The following SLC35F3 variants were observed in gnomAD, a reference collection of about 807,000 sequenced individuals.
The protein encoded by SLC35F3 is putative thiamine transporter SLC35F3.
In SLC35F3, 25 loss-of-function variants were observed where a neutral mutation model predicts 49.9. That is an observed-to-expected ratio of 0.50 (90% CI 0.37 to 0.70). SLC35F3 has a LOEUF of 0.70. Among genes scored for constraint, SLC35F3 ranks in the 30% least tolerant of loss-of-function variants. The pLI, the probability that SLC35F3 is intolerant of heterozygous loss-of-function variation, is 0.00. For synonymous variants in SLC35F3, 275 were observed against 265.4 expected (o/e 1.04, Z -0.35); for missense variants, 525 against 639.8 (o/e 0.82, Z 1.94).
chr1:234,137,917 G>A (rs1206801899), intron 2 of SLC35F3, among the ~76,000 whole-genome samples: 1 of 152,170 alleles, frequency 6.6e-6, no homozygotes, highest in East Asian at 1.9e-4. Context: ...GGTTGAAAAG[G>A]TTAGATTTGG....
chr1:234,031,881 C>T (rs1381299525), intron 2 of SLC35F3, among the ~76,000 whole-genome samples: 1 of 152,194 alleles, frequency 6.6e-6, no homozygotes, highest in Non-Finnish European at 1.5e-5. Context: ...CTAGACACAG[C>T]CTGGAACCAT....
At chr1:234,085,648 C>T (rs1572046262) in intron 2 of SLC35F3, among the ~76,000 whole-genome samples, 1 of 152,208 alleles carries the variant, frequency 6.6e-6, no homozygotes, top group Admixed American at 6.5e-5. Flanking sequence ...AGGTCATAAA[C>T]CTTGAGCCCT....
intron 2 of SLC35F3, among the ~76,000 whole-genome samples, chr1:233,976,590 A>G (rs939579434): frequency 2.6e-5 from 4 of 152,098 alleles, no homozygotes; most frequent in African/African-American, 9.7e-5. Flanking sequence ...GTTGTGCATA[A>G]TTTCATAGTA....
At chr1:234,154,314 A>G (rs1480316578) in intron 2 of SLC35F3, among the ~76,000 whole-genome samples, 1 of 152,192 alleles carries the variant, frequency 6.6e-6, no homozygotes, top group Non-Finnish European at 1.5e-5. Context: ...TAATGGGGGA[A>G]GTTAAGCACA....
intron 2 of SLC35F3, among the ~76,000 whole-genome samples, chr1:233,909,020 G>A (rs919406010): frequency 7.3e-5 from 11 of 150,222 alleles, no homozygotes; most frequent in Admixed American, 4.7e-4. Context: ...CACCATGCCC[G>A]GCTAATTTTT....
At chr1:233,956,391 C>T (rs948172765) in intron 2 of SLC35F3, among the ~76,000 whole-genome samples, 1 of 152,182 alleles carries the variant, frequency 6.6e-6, no homozygotes, top group Non-Finnish European at 1.5e-5. Context: ...ACTGCAGTCT[C>T]TCACCACTCT....
chr1:234,246,236 G>A lies in SLC35F3; in HGVS notation c.608+14495G>A, dbSNP rs1449809977. On this transcript the variant is annotated intron_variant, in intron 3 of 7. Transcript: ENST00000366618. ...GTGGCTCAGATGGAGAATTCTACCA[G>A]GGCAGCAGCAGTTCACTTTCTCTAA... 2.0e-5 allele frequency among the ~76,000 whole-genome samples: 3 copies of A among 152,208 alleles called. No homozygotes were observed. In the South Asian group the frequency reaches 6.2e-4, roughly 32 times the overall value.
chr1:234,055,816 C>T (rs1664448819), intron 2 of SLC35F3, among the ~76,000 whole-genome samples: 1 of 152,198 alleles, frequency 6.6e-6, no homozygotes, highest in African/African-American at 2.4e-5. Context: ...AGAGATTTTA[C>T]TCATCTTTTA....
chr1:233,969,975 C>T (rs113097411), intron 2 of SLC35F3, among the ~76,000 whole-genome samples: 2,254 of 152,328 alleles, frequency 0.015, 48 homozygotes, highest in African/African-American at 0.046. Flanking sequence ...GGAGCCCTGA[C>T]CAATGACTTC....
chr1:234,313,846 G>T (rs1450133015), intron 4 of SLC35F3, among the ~76,000 whole-genome samples: 1 of 152,150 alleles, frequency 6.6e-6, no homozygotes, highest in African/African-American at 2.4e-5. Context: ...GATGTGTCAG[G>T]GTGTCAAATG....
chr1:234,031,559 A>G (rs1664063401), intron 2 of SLC35F3, among the ~76,000 whole-genome samples: 3 of 152,076 alleles, frequency 2.0e-5, no homozygotes, highest in Admixed American at 6.5e-5. Flanking sequence ...TTGGGGGGGC[A>G]TGGGGGACAA....
At chr1:233,971,905 G>C (rs936975077) in intron 2 of SLC35F3, among the ~76,000 whole-genome samples, 1 of 152,196 alleles carries the variant, frequency 6.6e-6, no homozygotes, top group African/African-American at 2.4e-5. Flanking sequence ...TGTCACCCCT[G>C]AGGGGAAGGG....
At chr1:233,964,267 G>A (rs10797509) in intron 2 of SLC35F3, among the ~76,000 whole-genome samples, 7,212 of 152,274 alleles carry the variant, frequency 0.047, 260 homozygotes, top group East Asian at 0.17. Context: ...AGTGCCAAGA[G>A]GGGTAGATGT....
At chr1:234,028,311 C>T (rs572676067) in intron 2 of SLC35F3, among the ~76,000 whole-genome samples, 1 of 152,310 alleles carries the variant, frequency 6.6e-6, no homozygotes, top group African/African-American at 2.4e-5. Context: ...CTACGTAGCT[C>T]TACCATTAGG....
chr1:234,271,905 G>A (rs1160027790), intron 3 of SLC35F3, among the ~76,000 whole-genome samples: 4 of 152,048 alleles, frequency 2.6e-5, no homozygotes, highest in African/African-American at 4.8e-5. Context: ...TGGGTGGATC[G>A]CTTGAGTCCA....
chr1:234,164,766 G>A (rs76037383), intron 2 of SLC35F3, among the ~76,000 whole-genome samples: 1 of 140,194 alleles, frequency 7.1e-6, no homozygotes, highest in African/African-American at 2.6e-5. Context: ...TTCTCAAGGA[G>A]AGTTGTGTTT....
chr1:233,957,394 C>A lies in SLC35F3; in HGVS notation c.283+51636C>A, dbSNP rs1014736520. 6.6e-6 allele frequency among the ~76,000 whole-genome samples: 1 copy of A among 152,212 alleles called. No individual in the cohort carries two copies. Among genetic ancestry groups the A allele is most frequent in the Non-Finnish European group, 1.5e-5 (1 of 68,032 alleles). On this transcript the variant is annotated intron_variant, in intron 2 of 7. Transcript: ENST00000366618. The surrounding 1 kb of genome is among the most constrained non-coding windows in gnomAD (Gnocchi z 4.0). Reference sequence around the variant, plus strand: ...TTCATCAGGGTGTGGGCTCTGTCACCTTTGTAGCCTCATTTATTCCACTCC... The same window carrying A: ...TTCATCAGGGTGTGGGCTCTGTCACATTTGTAGCCTCATTTATTCCACTCC...
At chr1:233,908,231 A>T (rs1661808155) in intron 2 of SLC35F3, among the ~76,000 whole-genome samples, 1 of 152,034 alleles carries the variant, frequency 6.6e-6, no homozygotes, top group Admixed American at 6.6e-5. Context: ...CTCCAGAGTG[A>T]GTTATGGAAG....
chr1:233,998,553 A>G (rs1663499703), intron 2 of SLC35F3, among the ~76,000 whole-genome samples: 1 of 150,420 alleles, frequency 6.6e-6, no homozygotes, highest in African/African-American at 2.5e-5. Flanking sequence ...TTAGGAAGGG[A>G]TTTCTCTCAG....
Sources: gnomAD v4.1 joint callset for allele counts (sites outside exome capture counted in the v4.1 genomes callset) on GRCh38, gnomAD v4.1.1 for gene constraint, Gnocchi (gnomAD v3.1) non-coding constraint, MANE v1.5 for transcripts, NCBI Gene and HGNC (gene_info 2026-07-23, HGNC 2026-07-21) for gene names.